The following EML6 variants were observed in gnomAD, a reference collection of about 807,000 sequenced individuals.
The protein encoded by EML6 is echinoderm microtubule-associated protein-like 6.
Under a neutral mutation model 240.1 loss-of-function variants are expected in EML6, and 154 were observed. The observed-to-expected ratio is 0.64, with a 90% confidence interval of 0.56 to 0.73. The LOEUF (loss-of-function observed/expected upper bound fraction) is 0.73. Among genes scored for constraint, EML6 ranks in the 30% least tolerant of loss-of-function variants. The probability of loss-of-function intolerance (pLI) is 0.00; values close to 1 mark genes in which losing one functional copy is unlikely to be tolerated. For missense variants in EML6, 2,964 were observed against 2,474.6 expected (o/e 1.20, Z -4.20); for synonymous variants, 1,148 against 899.0 (o/e 1.28, Z -4.95).
intron 7 of EML6, among the ~76,000 whole-genome samples, chr2:54,833,656 A>G (rs781584183): frequency 2.7e-4 from 41 of 152,176 alleles, no homozygotes; most frequent in Non-Finnish European, 5.0e-4. Flanking sequence ...CACTCACATG[A>G]TGAGGAGGGC....
intron 26 of EML6, among the ~76,000 whole-genome samples, chr2:54,923,023 C>T (rs922049560): frequency 1.4e-5 from 2 of 145,780 alleles, no homozygotes; most frequent in Admixed American, 7.0e-5. Flanking sequence ...CTCACCGCAA[C>T]CTCTGCCTCC....
At chr2:54,966,743 C>T (rs754792063) in intron 38 of EML6, 9 of 247,304 alleles carry the variant, frequency 3.6e-5, no homozygotes, top group South Asian at 9.2e-5. Context: ...CGTTGCTGGT[C>T]GGGAACCACA....
chr2:54,815,265 A>G (rs1668031824), intron 3 of EML6, among the ~76,000 whole-genome samples: 1 of 152,214 alleles, frequency 6.6e-6, no homozygotes, highest in Non-Finnish European at 1.5e-5. Context: ...CTTAACTGTC[A>G]GGTGAGAGAA....
intron 32 of EML6, among the ~76,000 whole-genome samples, chr2:54,955,755 C>A (rs773360368): frequency 6.6e-6 from 1 of 152,150 alleles, no homozygotes; most frequent in Non-Finnish European, 1.5e-5. Flanking sequence ...AACAAGCTCC[C>A]GAGGAAAAGA....
chr2:54,937,472 G>T (rs560584510), intron 28 of EML6, among the ~76,000 whole-genome samples: 2 of 135,974 alleles, frequency 1.5e-5, no homozygotes, highest in South Asian at 5.0e-4. Context: ...AGGATCACTT[G>T]AGCCTGGGAG....
At chr2:54,948,130 C>G (rs904605461) in intron 28 of EML6, among the ~76,000 whole-genome samples, 3 of 152,138 alleles carry the variant, frequency 2.0e-5, no homozygotes, top group African/African-American at 7.2e-5. Flanking sequence ...TTAAGGAAAC[C>G]CCACGTCACC....
chr2:54,946,977 A>G (rs1675725468), intron 28 of EML6, among the ~76,000 whole-genome samples: 1 of 151,682 alleles, frequency 6.6e-6, no homozygotes, highest in African/African-American at 2.4e-5. Context: ...AATCTCCTGT[A>G]TATATAAATA....
At chr2:54,757,703 C>G in intron 2 of EML6, among the ~76,000 whole-genome samples, 1 of 152,112 alleles carries the variant, frequency 6.6e-6, no homozygotes. Flanking sequence ...TTCACCCCCT[C>G]CCTCCACTCC....
At chr2:54,944,665 G>A (rs954882511) in intron 28 of EML6, among the ~76,000 whole-genome samples, 2 of 152,110 alleles carry the variant, frequency 1.3e-5, no homozygotes, top group African/African-American at 4.8e-5. Context: ...ACACAAAGCT[G>A]TGTGATAGGC....
In EML6 at chr2:54,971,342, T is replaced by A. The variant is rs571211190; in HGVS notation, c.*1247T>A. The A allele has an allele frequency of 4.6e-5, 7 of 152,356 alleles. No homozygotes were observed. The highest frequency in any genetic ancestry group is 1.7e-4 in the African/African-American group (7 of 41,576). 9.4% of individuals were successfully genotyped at this position (152,356 alleles called of 1,614,324 possible). On this transcript the variant is annotated 3_prime_UTR_variant, in exon 42 of 42. Coordinates refer to ENST00000356458, the MANE Select transcript of EML6 (RefSeq NM_001039753.4). Reference sequence around the variant, plus strand: ...ACTTTCCATGTAGCTGACCAGTGACTACAGGATGTGGCTGACAGTGCTCAC... The same window carrying A: ...ACTTTCCATGTAGCTGACCAGTGACAACAGGATGTGGCTGACAGTGCTCAC...
rs765303150 is a variant in EML6, at chr2:54,853,703, G to A, written c.1505G>A (p.Cys502Tyr). The A allele has an allele frequency of 6.4e-7, 1 of 1,551,204 alleles. No individual in the cohort carries two copies. Among genetic ancestry groups the A allele is most frequent in the Non-Finnish European group, 8.7e-7 (1 of 1,146,694 alleles). Residue 502 changes from cysteine to tyrosine, a missense_variant, in exon 11 of 42, where the codon TGC (cysteine) becomes TAC (tyrosine). Transcript: ENST00000356458. The stretch of plus-strand genomic sequence containing the variant: ...GGGATTCCTTGGGCCTCCTGGACAT[G>A]CGTGAAAGGCCCTGAAGTGAGTGGA... Reference protein sequence around the residue: ...IKGIPWASWTCVKGPEVSGIW... With the variant: ...IKGIPWASWTYVKGPEVSGIW...
chr2:54,834,087 C>G (rs189527510), intron 7 of EML6, among the ~76,000 whole-genome samples: 1 of 152,130 alleles, frequency 6.6e-6, no homozygotes, highest in Non-Finnish European at 1.5e-5. Flanking sequence ...CAATATACAT[C>G]TTAGTGAATA....
At chr2:54,891,180 A>T (rs774799917) in intron 18 of EML6, 26 bp downstream of exon 18, 2 of 1,197,732 alleles carry the variant, frequency 1.7e-6, no homozygotes, top group Non-Finnish European at 2.4e-6. Context: ...TTTATCATTT[A>T]TGTGATTGAG....
At chr2:54,919,111 C>G (rs534291824) in intron 26 of EML6, among the ~76,000 whole-genome samples, 1 of 152,140 alleles carries the variant, frequency 6.6e-6, no homozygotes, top group African/African-American at 2.4e-5. Context: ...CCTATACTCA[C>G]GTAAATGAGT....
At chr2:54,847,766 T>C in intron 9 of EML6, 143 bp downstream of exon 9, 1 of 918,960 alleles carries the variant, frequency 1.1e-6, no homozygotes, top group South Asian at 1.9e-5. Flanking sequence ...CGATCCCCTA[T>C]CTGTAATTCT....
rs2104136442 is a variant in EML6 at position 54,894,948 on chromosome 2, G to A, written c.2776G>A (p.Glu926Lys). 2.6e-6 allele frequency: 4 copies of A among 1,551,396 alleles called. No individual in the cohort carries two copies. In the East Asian group the frequency reaches 9.8e-5, roughly 38 times the overall value. The part of the protein sequence containing the change: ...FVTGGKDGIV[E>K]LWDDMFERCL... ...AACAGGTGGAAAGGACGGCATCGTG[G>A]AGCTCTGGGATGATATGTTTGAAAG... is the stretch of plus-strand genomic sequence containing the variant. Residue 926 changes from glutamate to lysine, a missense_variant, in exon 20 of 42, where the codon GAG becomes AAG. Transcript: ENST00000356458.
At chr2:54,914,696 T>C (rs775576214) in intron 25 of EML6, among the ~76,000 whole-genome samples, 5 of 152,156 alleles carry the variant, frequency 3.3e-5, no homozygotes, top group East Asian at 1.9e-4. Flanking sequence ...ACTGAGAGCA[T>C]TGAAGAGGTA....
chr2:54,799,863 T>C (rs978552185), intron 2 of EML6, among the ~76,000 whole-genome samples: 1 of 152,222 alleles, frequency 6.6e-6, no homozygotes, highest in Non-Finnish European at 1.5e-5. Flanking sequence ...TGTTACTAGA[T>C]AGAGCTCTCT....
At chr2:54,919,474 G>A (rs1460106548) in intron 26 of EML6, among the ~76,000 whole-genome samples, 1 of 152,086 alleles carries the variant, frequency 6.6e-6, no homozygotes, top group Non-Finnish European at 1.5e-5. Flanking sequence ...TTATCATGGT[G>A]AGTAGCCCTG....
Sources: allele counts gnomAD v4.1 joint callset (sites outside exome capture counted in the v4.1 genomes callset), GRCh38; gene constraint gnomAD v4.1.1; transcripts MANE v1.5; gene names NCBI Gene and HGNC (gene_info 2026-07-23, HGNC 2026-07-21).